Variants in NAV2 observed in about 807,000 individuals in gnomAD.
NAV2 encodes neuron navigator 2, also known as helicase, APC down-regulated 1.
A neutral mutation model predicts 223.2 loss-of-function variants in NAV2; 54 were observed. The observed-to-expected ratio is 0.24, with a 90% CI of 0.19 to 0.30. The LOEUF is 0.30. Ranked by LOEUF, NAV2 falls within the 10% of genes least tolerant of loss-of-function variation. The pLI is 1.00. For synonymous variants in NAV2, 1,279 were observed against 1,239.3 expected (o/e 1.03, Z -0.67); for missense variants, 2,806 against 3,147.5 (o/e 0.89, Z 2.60).
intron 1 of NAV2, among the ~76,000 whole-genome samples, chr11:19,734,928 G>A (rs922947958): frequency 7.9e-5 from 12 of 152,212 alleles, no homozygotes; most frequent in Non-Finnish European, 1.6e-4. Context: ...TAGGTAGCAT[G>A]TAGTTATTAC....
At chr11:19,539,288 C>T (rs1355804240) in intron 1 of NAV2, among the ~76,000 whole-genome samples, 2 of 152,230 alleles carry the variant, frequency 1.3e-5, no homozygotes, top group Non-Finnish European at 2.9e-5. Context: ...TTTGTCTACT[C>T]GTTTTCAAAA....
chr11:19,883,768 T>G (rs1390811863), intron 5 of NAV2, among the ~76,000 whole-genome samples: 1 of 152,176 alleles, frequency 6.6e-6, no homozygotes, highest in Non-Finnish European at 1.5e-5. Context: ...AAAACAGAAT[T>G]TAGTGAGTTT....
intron 1 of NAV2, among the ~76,000 whole-genome samples, chr11:19,749,381 A>G (rs10766588): frequency 0.41 from 62,447 of 151,742 alleles, 13,238 homozygotes; most frequent in Middle Eastern, 0.48. Flanking sequence ...GTTGTTCCCA[A>G]TTTGACTAAA....
At chr11:19,522,011 C>T (rs765642429) in intron 1 of NAV2, among the ~76,000 whole-genome samples, 1 of 152,218 alleles carries the variant, frequency 6.6e-6, no homozygotes, top group Non-Finnish European at 1.5e-5. Context: ...CTACTAGCTG[C>T]ATGGCTTGGA....
chr11:19,457,398 G>A (rs10833116), intron 1 of NAV2, among the ~76,000 whole-genome samples: 49,485 of 152,028 alleles, frequency 0.33, 8,152 homozygotes, highest in African/African-American at 0.36. Flanking sequence ...AACGCAGAGG[G>A]GACAGCAAGT....
At chr11:19,374,995 G>A (rs1848594663) in intron 1 of NAV2, among the ~76,000 whole-genome samples, 1 of 152,150 alleles carries the variant, frequency 6.6e-6, no homozygotes, top group Non-Finnish European at 1.5e-5. Flanking sequence ...ACAACAAGAT[G>A]TTCCCACTTG....
At chr11:19,589,013 G>C (rs962667312) in intron 1 of NAV2, among the ~76,000 whole-genome samples, 5 of 152,212 alleles carry the variant, frequency 3.3e-5, no homozygotes, top group African/African-American at 1.2e-4. Flanking sequence ...GCACCGTCCA[G>C]CCCCTGAGCA....
At chr11:19,951,975 A>T (rs761266551) in intron 10 of NAV2, among the ~76,000 whole-genome samples, 25 of 152,236 alleles carry the variant, frequency 1.6e-4, no homozygotes, top group Non-Finnish European at 3.5e-4. Context: ...GGTAGCCCAG[A>T]TGGAACCTAA....
intron 1 of NAV2, among the ~76,000 whole-genome samples, chr11:19,719,626 C>A (rs889765848): frequency 2.0e-5 from 3 of 152,182 alleles, no homozygotes; most frequent in African/African-American, 7.2e-5. Context: ...GAAACTATGT[C>A]TGCCTCATTC....
intron 1 of NAV2, among the ~76,000 whole-genome samples, chr11:19,650,776 T>G (rs1009570320): frequency 2.0e-5 from 3 of 152,134 alleles, no homozygotes; most frequent in Non-Finnish European, 4.4e-5. Flanking sequence ...GTGCACAACA[T>G]GAATGAATCT....
intron 1 of NAV2, among the ~76,000 whole-genome samples, chr11:19,412,307 G>A (rs1031325032): frequency 6.6e-6 from 1 of 152,198 alleles, no homozygotes; most frequent in Non-Finnish European, 1.5e-5. Context: ...AAAGCCCCGG[G>A]AAGTTCGAAC....
At chr11:19,714,135 G>T (rs981011021) in intron 1 of NAV2, 173 bp downstream of exon 1, 2 of 962,692 alleles carry the variant, frequency 2.1e-6, no homozygotes, top group Non-Finnish European at 3.1e-6. Context: ...TGGGCCGGCC[G>T]GTGGGTGTGG....
At chr11:19,464,792 C>T (rs1018193396) in intron 1 of NAV2, among the ~76,000 whole-genome samples, 1 of 152,214 alleles carries the variant, frequency 6.6e-6, no homozygotes, top group Non-Finnish European at 1.5e-5. Flanking sequence ...GGCAGGCCCA[C>T]ACTTGAAAAT....
intron 5 of NAV2, among the ~76,000 whole-genome samples, chr11:19,888,808 A>G (rs2041248176): frequency 1.3e-5 from 2 of 151,298 alleles, no homozygotes; most frequent in Admixed American, 6.6e-5. Context: ...CCCATCCCCT[A>G]CTCACATTCC....
chr11:19,414,981 C>A (rs1037892208), intron 1 of NAV2, among the ~76,000 whole-genome samples: 3 of 152,136 alleles, frequency 2.0e-5, no homozygotes, highest in African/African-American at 7.2e-5. Context: ...TAAATGCCCA[C>A]AGGAGAAAGC....
At chr11:19,683,153 T>C (rs1198523513) in intron 1 of NAV2, among the ~76,000 whole-genome samples, 1 of 152,210 alleles carries the variant, frequency 6.6e-6, no homozygotes, top group African/African-American at 2.4e-5. Flanking sequence ...GCTAATATTT[T>C]GTGTTTCTCT....
chr11:19,747,405 A>G (rs77105231), intron 1 of NAV2, among the ~76,000 whole-genome samples: 1,714 of 152,262 alleles, frequency 0.011, 34 homozygotes, highest in African/African-American at 0.039. Context: ...TATACCTAAT[A>G]TATAGCTGTG....
chr11:19,979,418 T>C (rs76221540), intron 10 of NAV2, among the ~76,000 whole-genome samples: 2,737 of 152,174 alleles, frequency 0.018, 25 homozygotes, highest in East Asian at 0.043. Context: ...ATCCCAGTGT[T>C]CTAACAATAG....
intron 3 of NAV2, among the ~76,000 whole-genome samples, chr11:19,856,615 A>C (rs1001803987): frequency 1.3e-5 from 2 of 152,204 alleles, no homozygotes; most frequent in African/African-American, 4.8e-5. Context: ...CTGGCATATA[A>C]TAATCACCCA....
Sources: gnomAD v4.1 joint callset for allele counts (sites outside exome capture counted in the v4.1 genomes callset) on GRCh38, gnomAD v4.1.1 for gene constraint, MANE v1.5 for transcripts, NCBI Gene and HGNC (gene_info 2026-07-23, HGNC 2026-07-21) for gene names.